Variants in TNKS2 observed in about 807,000 individuals in gnomAD.
The protein encoded by TNKS2 is poly [ADP-ribose] polymerase tankyrase-2.
A neutral mutation model predicts 137.6 loss-of-function variants in TNKS2; 72 were observed. The ratio of observed to expected loss-of-function variants is 0.52; its 90% confidence interval spans 0.43 to 0.64. The LOEUF (loss-of-function observed/expected upper bound fraction) is 0.64, where lower values mean the gene tolerates loss of function less well. Ranked by LOEUF, TNKS2 falls within the 30% of genes least tolerant of loss-of-function variation. TNKS2 has a pLI of 0.00. For synonymous variants in TNKS2, 516 were observed against 512.1 expected (o/e 1.01, Z -0.10); for missense variants, 1,049 against 1,410.2 (o/e 0.74, Z 4.10).
intron 1 of TNKS2, among the ~76,000 whole-genome samples, chr10:91,808,762 A>C (rs992150356): frequency 6.6e-6 from 1 of 152,162 alleles, no homozygotes; most frequent in Non-Finnish European, 1.5e-5. Context: ...GTGGTATTTA[A>C]AGCCATGGGA....
chr10:91,848,308 T>A (rs1322095758), intron 18 of TNKS2, 75 bp from the exon 19 acceptor site: 14 of 1,450,238 alleles, frequency 9.7e-6, no homozygotes, highest in African/African-American at 2.9e-5. Context: ...CTCATATTTT[T>A]AAATATATTT....
At chr10:91,812,524 C>G (rs1844542215) in intron 1 of TNKS2, among the ~76,000 whole-genome samples, 1 of 152,152 alleles carries the variant, frequency 6.6e-6, no homozygotes, top group African/African-American at 2.4e-5. Context: ...TGTAGTCCCC[C>G]AGTTTAGCAG....
chr10:91,822,314 C>T lies in TNKS2; in HGVS notation c.747C>T (p.His249=). 1.2e-6 allele frequency: 2 copies of T among 1,613,478 alleles called. No individual in the cohort carries two copies. Among genetic ancestry groups the T allele is most frequent in the Non-Finnish European group, 1.7e-6 (2 of 1,179,670 alleles). ...ATTGTAGTGATCTGGTACCATTACA[C>T]AATGCCTGTTCTTATGGTCATTATG... ...AKDKGDLVPL[H]NACSYGHYEV... The change falls in exon 7 of 27, where the codon CAC becomes CAT. Residue 249 remains histidine (H), a synonymous_variant. Transcript: ENST00000371627.
chr10:91,821,834 A>G (rs1255948909), intron 6 of TNKS2, among the ~76,000 whole-genome samples: 1 of 152,240 alleles, frequency 6.6e-6, no homozygotes, highest in Non-Finnish European at 1.5e-5. Flanking sequence ...TTAATATACC[A>G]TTATTGAAGG....
chr10:91,811,159 C>T (rs1048932722), intron 1 of TNKS2, among the ~76,000 whole-genome samples: 6 of 151,722 alleles, frequency 4.0e-5, no homozygotes, highest in Non-Finnish European at 8.8e-5. Flanking sequence ...CTCCTGACCT[C>T]GTGATCTGCC....
intron 7 of TNKS2, among the ~76,000 whole-genome samples, chr10:91,826,628 A>T (rs1018789737): frequency 6.6e-6 from 1 of 152,222 alleles, no homozygotes; most frequent in African/African-American, 2.4e-5. Flanking sequence ...ATTCTGGGGT[A>T]ATGAAAGTGT....
At position 91,817,379 on chromosome 10, in the gene TNKS2, C is replaced by CA. The variant is rs3216031; in HGVS notation, c.520+151dup. 105 of 516,064 alleles carry CA rather than the reference C, an allele frequency of 2.0e-4. 1 individual carries two copies. In the East Asian group the frequency reaches 3.1e-3, roughly 15 times the overall value. 32.0% of individuals were successfully genotyped at this position (516,064 alleles called of 1,614,324 possible). A position where few individuals can be genotyped will look rare whatever the true frequency, so the allele number is the denominator to read the frequency against. The stretch of plus-strand genomic sequence containing the variant: ...TCCTTTTCTACGTCTAGATAGCTGA[C>CA]ATTTTATTCTCCTCTAAGAAAAATA... On this transcript the variant is annotated intron_variant, in intron 3 of 26. Transcript: ENST00000371627.
intron 13 of TNKS2, among the ~76,000 whole-genome samples, chr10:91,837,220 A>G (rs1842052786): frequency 6.6e-6 from 1 of 152,238 alleles, no homozygotes; most frequent in Admixed American, 6.5e-5. Context: ...ATTCACAAAT[A>G]TAAATAAATT....
chr10:91,851,073 T>A (rs1396314494), intron 20 of TNKS2, 143 bp from the exon 21 acceptor site: 1 of 1,130,466 alleles, frequency 8.8e-7, no homozygotes, highest in Non-Finnish European at 1.2e-6. Context: ...CTCAGGTTCT[T>A]ATGCTAAATG....
chr10:91,833,325 T>G (rs1589671121), intron 11 of TNKS2, among the ~76,000 whole-genome samples: 1 of 152,240 alleles, frequency 6.6e-6, no homozygotes, highest in Admixed American at 6.5e-5. Context: ...GTATAATGTT[T>G]TAGAGATTCA....
At chr10:91,862,673 C>T (rs1306536056) in intron 26 of TNKS2, among the ~76,000 whole-genome samples, 2 of 152,026 alleles carry the variant, frequency 1.3e-5, no homozygotes, top group South Asian at 2.1e-4. Context: ...GAGTAGGTAT[C>T]GGAATCACCG....
At chr10:91,834,170 T>C (rs1180421401) in intron 12 of TNKS2, 146 bp downstream of exon 12, 2 of 555,234 alleles carry the variant, frequency 3.6e-6, no homozygotes, top group Non-Finnish European at 2.8e-6. Flanking sequence ...TTTAATCAGC[T>C]GAATATCCTC....
rs1842898146 is a variant in TNKS2, at chr10:91,863,223, C to T, written c.*224C>T. 2 of 424,320 alleles carry T rather than the reference C, an allele frequency of 4.7e-6. No homozygotes were observed. Among genetic ancestry groups the T allele is most frequent in the African/African-American group, 2.0e-5 (1 of 49,574 alleles). The allele number at this position is 424,320 out of a possible 1,614,324, so 26.3% of individuals were successfully genotyped here. A position where few individuals can be genotyped will look rare whatever the true frequency, so the allele number is the denominator to read the frequency against. On this transcript the variant is annotated 3_prime_UTR_variant, in exon 27 of 27. Coordinates refer to ENST00000371627, the MANE Select transcript of TNKS2 (RefSeq NM_025235.4). Reference sequence around the variant, plus strand: ...TTTCAGCACTTTAACAGATGCCATTCCAGGTTAAACTGGGTTGTCTGTACT... The same window carrying T: ...TTTCAGCACTTTAACAGATGCCATTTCAGGTTAAACTGGGTTGTCTGTACT...
chr10:91,811,676 C>T (rs1010467630), intron 1 of TNKS2, among the ~76,000 whole-genome samples: 1 of 152,112 alleles, frequency 6.6e-6, no homozygotes, highest in Non-Finnish European at 1.5e-5. Flanking sequence ...CCCCAGGCAT[C>T]GACCTTAGAA....
chr10:91,840,821 C>A, intron 14 of TNKS2, 115 bp downstream of exon 14: 3 of 1,018,836 alleles, frequency 2.9e-6, no homozygotes, highest in South Asian at 3.6e-5. Context: ...CTAACATTGG[C>A]CTAAATATTA....
chr10:91,828,970 AG>A (rs1176474779), intron 9 of TNKS2, among the ~76,000 whole-genome samples: 1 of 152,196 alleles, frequency 6.6e-6, no homozygotes, highest in East Asian at 1.9e-4. Flanking sequence ...ACATGATAAA[AG>A]ATAAGAGAGG....
chr10:91,838,791 G>A (rs1467092290), intron 13 of TNKS2, among the ~76,000 whole-genome samples: 1 of 152,182 alleles, frequency 6.6e-6, no homozygotes, highest in Non-Finnish European at 1.5e-5. Context: ...ATTTTATTGA[G>A]CTTAGGTTAT....
intron 1 of TNKS2, among the ~76,000 whole-genome samples, chr10:91,803,648 G>A (rs1173742883): frequency 6.6e-6 from 1 of 152,174 alleles, no homozygotes; most frequent in Non-Finnish European, 1.5e-5. Flanking sequence ...AATAGTAAAT[G>A]AGAAGTTTAA....
Position 91,845,923 on chromosome 10 carries a change from C to T in TNKS2, c.2341C>T (p.Pro781Ser). The T allele has an allele frequency of 2.6e-6, 4 of 1,551,622 alleles. No homozygotes were observed. Among genetic ancestry groups the T allele is most frequent in the Non-Finnish European group, 2.6e-6 (3 of 1,138,502 alleles). ...TCTTAAAAATCAGGAAGGACAAACA[C>T]CTTTAGATTTAGTTTCAGTAAGTGA... is the stretch of plus-strand genomic sequence containing the variant. ...PTLKNQEGQT[P>S]LDLVSADDVS... Residue 781 changes from proline (P) to serine (S), a missense_variant, in exon 18 of 27, where the codon CCT (proline) becomes TCT (serine). By Grantham distance (74) the Pro-to-Ser change is moderately conservative. This residue lies in a region of TNKS2 where 208 missense variants were observed against 231.2 expected (regional missense o/e 0.90). Transcript: ENST00000371627.
Sources: allele counts gnomAD v4.1 joint callset (sites outside exome capture counted in the v4.1 genomes callset), GRCh38; gene constraint gnomAD v4.1.1; regional missense constraint gnomAD v4.1.1; transcripts MANE v1.5; gene names NCBI Gene and HGNC (gene_info 2026-07-23, HGNC 2026-07-21).